The following DROSHA variants were observed in gnomAD, a reference collection of about 807,000 sequenced individuals.
DROSHA encodes the protein drosha ribonuclease III.
DROSHA carries 56 observed loss-of-function variants against 181.9 expected under a neutral mutation model. The ratio of observed to expected loss-of-function variants is 0.31; its 90% CI spans 0.25 to 0.38. The LOEUF is 0.38. Ranked by LOEUF, DROSHA falls within the 10% of genes least tolerant of loss-of-function variation. The pLI, the probability that DROSHA is intolerant of heterozygous loss-of-function variation, is 1.00. For missense variants in DROSHA, 1,218 were observed against 1,743.5 expected (o/e 0.70, Z 5.37); for synonymous variants, 524 against 591.2 (o/e 0.89, Z 1.65).
intron 35 of DROSHA, 90 bp from the exon 36 acceptor site, chr5:31,401,652 A>C: frequency 1.2e-6 from 1 of 811,400 alleles, no homozygotes; most frequent in Non-Finnish European, 1.6e-6. Context: ...TACACATACA[A>C]ATATACGTGC....
At chr5:31,525,503 CAAAAAAAAAAAAAA>C (rs397970711) in intron 5 of DROSHA, among the ~76,000 whole-genome samples, 9 of 36,160 alleles carry the variant, frequency 2.5e-4, no homozygotes, top group African/African-American at 4.5e-4. Context: ...GATTCTGTCA[CAAAAAAAAAAAAAA>C]AAAAAAAAAA....
intron 23 of DROSHA, among the ~76,000 whole-genome samples, chr5:31,439,941 G>A (rs143839767): frequency 6.6e-6 from 1 of 152,218 alleles, no homozygotes; most frequent in Admixed American, 6.5e-5. Context: ...AACTACAGGG[G>A]CTTTCTTAAA....
intron 35 of DROSHA, among the ~76,000 whole-genome samples, chr5:31,403,331 T>C (rs916651884): frequency 1.2e-4 from 18 of 152,212 alleles, no homozygotes; most frequent in African/African-American, 4.3e-4. Context: ...TGATAAAACT[T>C]TAAAAATATA....
intron 11 of DROSHA, among the ~76,000 whole-genome samples, chr5:31,499,677 T>C (rs1422693016): frequency 6.6e-6 from 1 of 152,306 alleles, no homozygotes; most frequent in East Asian, 1.9e-4. Context: ...TGCCCAGAAA[T>C]CACCTGGAGG....
At chr5:31,474,122 A>G (rs937862255) in intron 16 of DROSHA, among the ~76,000 whole-genome samples, 4 of 152,200 alleles carry the variant, frequency 2.6e-5, no homozygotes, top group Admixed American at 1.3e-4. Flanking sequence ...TCTTTTAATC[A>G]AAGTTCTAAA....
At chr5:31,402,342 A>G (rs1740109552) in intron 35 of DROSHA, among the ~76,000 whole-genome samples, 1 of 152,220 alleles carries the variant, frequency 6.6e-6, no homozygotes, top group South Asian at 2.1e-4. Flanking sequence ...TCATTTACAC[A>G]TGATCAACCA....
intron 23 of DROSHA, 79 bp downstream of exon 23, chr5:31,448,468 A>G: frequency 7.6e-7 from 1 of 1,320,006 alleles, no homozygotes; most frequent in South Asian, 1.3e-5. Context: ...AAACCACTGA[A>G]TTGTATGCTT....
chr5:31,448,452 T>C (rs1413634743), intron 23 of DROSHA, 95 bp downstream of exon 23: 7 of 1,136,448 alleles, frequency 6.2e-6, no homozygotes, highest in African/African-American at 1.5e-5. Flanking sequence ...TTTGTGAACA[T>C]ACTAAAAACC....
chr5:31,438,538 C>T (rs1184713951), intron 23 of DROSHA, among the ~76,000 whole-genome samples: 1 of 151,968 alleles, frequency 6.6e-6, no homozygotes, highest in East Asian at 1.9e-4. Context: ...AGGAGTGGTG[C>T]CGTTTACTGT....
chr5:31,491,946 C>G (rs1262609874), intron 13 of DROSHA, among the ~76,000 whole-genome samples: 2 of 152,144 alleles, frequency 1.3e-5, no homozygotes, highest in African/African-American at 4.8e-5. Flanking sequence ...AGACGCACAC[C>G]ACCATGCCCA....
Position 31,495,318 on chromosome 5 carries a change from G to A in DROSHA, c.1723C>T (p.Arg575Trp), listed in dbSNP as rs777194754. 1.4e-5 allele frequency: 23 copies of A among 1,613,712 alleles called. No individual in the cohort carries two copies. Among genetic ancestry groups the A allele is most frequent in the Non-Finnish European group, 1.6e-5 (19 of 1,179,836 alleles). ...TTCGTAGGCGGGGAGACTGTGATCC[G>A]GTAGTGGAAAAGTCTGCCAGCATTG... is the stretch of plus-strand genomic sequence containing the variant. Reference protein sequence around the residue: ...TNNAGRLFHYRITVSPPTNFL... With the variant: ...TNNAGRLFHYWITVSPPTNFL... Residue 575 changes from arginine (R) to tryptophan (W), a missense_variant, in exon 12 of 36, where the codon CGG (arginine) becomes TGG (tryptophan). Arg to Trp is a moderately radical substitution (Grantham distance 101). Coordinates refer to ENST00000344624, the MANE Select transcript of DROSHA (RefSeq NM_001382508.1).
rs1329833116 is a variant in DROSHA, at chr5:31,514,598, T to C, written c.1290+390A>G. On this transcript the variant is annotated intron_variant, in intron 8 of 35. Transcript: ENST00000344624. The surrounding 1 kb of genome is among the most constrained non-coding windows in gnomAD (Gnocchi z 4.4). ...AGATCAAGGCTGCAGTGAGCCACGA[T>C]GGTGCCACTGCACTCCAGCCTGGGT... Among the ~76,000 whole-genome samples the C allele has an allele frequency of 6.6e-6, 1 of 152,212 alleles. No individual in the cohort carries two copies. The highest frequency in any genetic ancestry group is 2.4e-5 in the African/African-American group (1 of 41,446).
In DROSHA at chr5:31,451,513, T is replaced by G. The variant is rs1418884225; in HGVS notation, c.2682+20A>C. ...CTCCTATCTTGTTATTATGTGAGTT[T>G]ACAGGAGAATAATTCTTACCTGCAA... On this transcript the variant is annotated intron_variant, in intron 21 of 35. Coordinates refer to ENST00000344624, the MANE Select transcript of DROSHA (RefSeq NM_001382508.1). The G allele has an allele frequency of 6.3e-7, 1 of 1,583,274 alleles. No individual in the cohort carries two copies. The highest frequency in any genetic ancestry group is 1.1e-5 in the South Asian group (1 of 87,954).
At chr5:31,458,606 A>G (rs1333745706) in intron 20 of DROSHA, among the ~76,000 whole-genome samples, 1 of 152,186 alleles carries the variant, frequency 6.6e-6, no homozygotes, top group Non-Finnish European at 1.5e-5. Flanking sequence ...TATCTTGCAA[A>G]AAAACTGAAC....
intron 23 of DROSHA, 73 bp downstream of exon 23, chr5:31,448,474 T>A (rs1746568355): frequency 7.4e-7 from 1 of 1,346,328 alleles, no homozygotes; most frequent in South Asian, 1.2e-5. Flanking sequence ...CTGAATTGTA[T>A]GCTTTAAATG....
At chr5:31,416,163 G>C (rs1741922890) in intron 30 of DROSHA, among the ~76,000 whole-genome samples, 1 of 152,214 alleles carries the variant, frequency 6.6e-6, no homozygotes, top group East Asian at 1.9e-4. Context: ...GTAGCTGTGT[G>C]CTCTTTAATC....
intron 20 of DROSHA, among the ~76,000 whole-genome samples, chr5:31,455,378 T>C (rs1400176464): frequency 2.6e-5 from 4 of 152,002 alleles, no homozygotes; most frequent in Non-Finnish European, 5.9e-5. Context: ...ACAAGATGCA[T>C]ATAAGTGGAG....
intron 12 of DROSHA, among the ~76,000 whole-genome samples, chr5:31,493,593 T>C (rs1016729700): frequency 5.3e-5 from 8 of 152,242 alleles, no homozygotes; most frequent in Non-Finnish European, 8.8e-5. Flanking sequence ...CTACCAGTTC[T>C]GTTCTTAATG....
At chr5:31,511,468 G>C (rs1055727691) in intron 8 of DROSHA, among the ~76,000 whole-genome samples, 2 of 152,134 alleles carry the variant, frequency 1.3e-5, no homozygotes, top group African/African-American at 4.8e-5. Context: ...AACTTTGGGA[G>C]GCAGAGGCAG....
Sources: gnomAD v4.1 joint callset for allele counts (sites outside exome capture counted in the v4.1 genomes callset) on GRCh38, gnomAD v4.1.1 for gene constraint, Gnocchi (gnomAD v3.1) non-coding constraint, MANE v1.5 for transcripts, NCBI Gene and HGNC (gene_info 2026-07-23, HGNC 2026-07-21) for gene names.